RNF38: variants seen among roughly 807,000 people sequenced by gnomAD.
The protein encoded by RNF38 is E3 ubiquitin-protein ligase RNF38.
In RNF38, 15 loss-of-function variants were observed where a neutral mutation model predicts 67.2. The observed-to-expected ratio is 0.22, with a 90% CI of 0.15 to 0.34. The LOEUF is 0.34. RNF38 is among the 10% of genes least tolerant of loss of function. The pLI is 1.00. For synonymous variants in RNF38, 220 were observed against 218.8 expected, an observed-to-expected ratio of 1.01 and a Z score of -0.05; for missense variants, 524 against 639.9, an observed-to-expected ratio of 0.82 and a Z score of 1.95.
intron 1 of RNF38, among the ~76,000 whole-genome samples, chr9:36,479,007 G>C (rs1370249916): frequency 6.6e-6 from 1 of 152,038 alleles, no homozygotes; most frequent in Non-Finnish European, 1.5e-5. Context: ...AAGGTTCCAA[G>C]CTCAGTCTTG....
At chr9:36,401,153 C>A, upstream of RNF38, 1 of 985,172 alleles carries the variant, frequency 1.0e-6, no homozygotes, top group Non-Finnish European at 1.2e-6. Flanking sequence ...CCCCCAGGCT[C>A]CGCACCGCGC....
chr9:36,456,379 A>G (rs1364426197), intron 1 of RNF38, among the ~76,000 whole-genome samples: 1 of 152,192 alleles, frequency 6.6e-6, no homozygotes, highest in South Asian at 2.1e-4. Flanking sequence ...TATTTCAACC[A>G]TATTTAACAG....
At chr9:36,418,557 G>A (rs1455076532) in intron 2 of RNF38, among the ~76,000 whole-genome samples, 3 of 150,754 alleles carry the variant, frequency 2.0e-5, no homozygotes, top group South Asian at 2.1e-4. Context: ...AGGCTGAGGC[G>A]GGCAGATCAC....
intron 1 of RNF38, among the ~76,000 whole-genome samples, chr9:36,475,938 G>A (rs1306724639): frequency 6.7e-6 from 1 of 149,824 alleles, no homozygotes; most frequent in Non-Finnish European, 1.5e-5. Context: ...GAACCCAGGA[G>A]GTGGAAGTTG....
At chr9:36,368,149 T>C (rs966758528) in intron 4 of RNF38, among the ~76,000 whole-genome samples, 6 of 152,346 alleles carry the variant, frequency 3.9e-5, no homozygotes, top group Middle Eastern at 6.8e-3. Context: ...CCACTGCACC[T>C]GGCCTCAGGT....
intron 1 of RNF38, among the ~76,000 whole-genome samples, chr9:36,431,258 A>G (rs1353633575): frequency 1.3e-5 from 2 of 152,356 alleles, no homozygotes; most frequent in East Asian, 3.9e-4. Flanking sequence ...TTGTGCGAAC[A>G]TCATACCAGA....
chr9:36,480,327 CTACTT>C (rs1840221544), intron 1 of RNF38, among the ~76,000 whole-genome samples: 1 of 152,032 alleles, frequency 6.6e-6, no homozygotes, highest in African/African-American at 2.4e-5. Flanking sequence ...TCTGCCTACT[CTACTT>C]CTGTTTAGTC....
intron 2 of RNF38, among the ~76,000 whole-genome samples, chr9:36,382,244 A>C (rs1482376141): frequency 6.6e-6 from 1 of 152,250 alleles, no homozygotes; most frequent in Admixed American, 6.5e-5. Context: ...ATAATATAGA[A>C]CGTTGTACAG....
chr9:36,375,839 T>C, intron 3 of RNF38, 95 bp downstream of exon 3: 1 of 1,179,192 alleles, frequency 8.5e-7, no homozygotes, highest in Non-Finnish European at 1.2e-6. Context: ...GATGTGTTTA[T>C]GAAATGCCTA....
chr9:36,485,587 T>A (rs1051545240), intron 1 of RNF38, among the ~76,000 whole-genome samples: 1 of 152,192 alleles, frequency 6.6e-6, no homozygotes. Flanking sequence ...TTCTTGCTTT[T>A]AAGTATACAT....
chr9:36,455,811 T>A (rs1839578057), intron 1 of RNF38, among the ~76,000 whole-genome samples: 1 of 150,794 alleles, frequency 6.6e-6, no homozygotes, highest in Non-Finnish European at 1.5e-5. Flanking sequence ...CTCAGGAGGC[T>A]GAAGCAGGAG....
chr9:36,448,527 A>G (rs991252388), intron 1 of RNF38, among the ~76,000 whole-genome samples: 2 of 152,186 alleles, frequency 1.3e-5, no homozygotes, highest in Admixed American at 6.6e-5. Flanking sequence ...CAGCCCTATC[A>G]ATAACTGACT....
chr9:36,464,967 CCTT>C (rs1220277766), intron 1 of RNF38, among the ~76,000 whole-genome samples: 2 of 152,160 alleles, frequency 1.3e-5, no homozygotes, highest in Non-Finnish European at 2.9e-5. Flanking sequence ...ATTTTAAAAG[CCTT>C]CTTAAAATCT....
intron 2 of RNF38, among the ~76,000 whole-genome samples, chr9:36,423,174 T>C (rs1450905329): frequency 6.6e-6 from 1 of 152,212 alleles, no homozygotes; most frequent in Non-Finnish European, 1.5e-5. Context: ...CAACTATATA[T>C]TCTAGAAGTC....
chr9:36,469,788 C>G (rs1178049094), intron 1 of RNF38, among the ~76,000 whole-genome samples: 1 of 152,132 alleles, frequency 6.6e-6, no homozygotes, highest in Admixed American at 6.5e-5. Flanking sequence ...CCAGCCTGGC[C>G]AACATGGCGA....
chr9:36,410,061 T>C (rs1838285657), intron 2 of RNF38, among the ~76,000 whole-genome samples: 3 of 152,114 alleles, frequency 2.0e-5, no homozygotes, highest in Admixed American at 2.0e-4. Flanking sequence ...TAATCTCCAA[T>C]AACAACAATC....
At position 36,451,505 on chromosome 9, in the gene RNF38, T is replaced by TGTTTGTTTG. The variant is rs1564068051; in HGVS notation, n.242-26823_242-26822insCAAACAAAC. 1.8e-4 allele frequency among the ~76,000 whole-genome samples: 25 copies of TGTTTGTTTG among 141,642 alleles called. 1 individual carries two copies. The highest frequency in any genetic ancestry group is 5.9e-4 in the African/African-American group (23 of 39,000). 92.9% of individuals were successfully genotyped at this position (141,642 alleles called of 152,430 possible). On this transcript the variant is annotated intron_variant and non_coding_transcript_variant, in intron 1 of 3. Transcript: ENST00000488058. The stretch of plus-strand genomic sequence containing the variant: ...AAATTGTAGTAGTTTTTTTTTTTTT[T>TGTTTGTTTG]TTTTTTTTTTTTGAGACGGAGTTTC...
intron 2 of RNF38, among the ~76,000 whole-genome samples, chr9:36,408,247 C>T (rs1045953311): frequency 7.9e-5 from 12 of 151,286 alleles, no homozygotes; most frequent in Non-Finnish European, 1.6e-4. Context: ...TACAGGCATA[C>T]ACCACCACAA....
At chr9:36,438,562 A>G (rs1839122457) in intron 1 of RNF38, among the ~76,000 whole-genome samples, 1 of 151,994 alleles carries the variant, frequency 6.6e-6, no homozygotes, top group Non-Finnish European at 1.5e-5. Flanking sequence ...CTCCCTCCAC[A>G]CCTTATCCCA....
Sources: allele counts gnomAD v4.1 joint callset (sites outside exome capture counted in the v4.1 genomes callset), GRCh38; gene constraint gnomAD v4.1.1; transcripts MANE v1.5; gene names NCBI Gene and HGNC (gene_info 2026-07-23, HGNC 2026-07-21).